KRT33B: variants seen among roughly 807,000 people sequenced by gnomAD.
KRT33B encodes keratin 33B.
A neutral mutation model predicts 42.7 loss-of-function variants in KRT33B; 37 were observed. That is an observed-to-expected ratio of 0.87 (90% CI 0.67 to 1.14). The LOEUF is 1.14. Among genes scored for constraint, KRT33B ranks in the 50% most tolerant of loss-of-function variants. The pLI is 0.00. For missense variants in KRT33B, 523 were observed against 515.1 expected (o/e 1.02, Z -0.15); for synonymous variants, 237 against 221.2 (o/e 1.07, Z -0.63).
intron 2 of KRT33B, 104 bp downstream of exon 2, chr17:41,367,804 T>A: frequency 1.0e-6 from 1 of 977,858 alleles, no homozygotes; most frequent in Non-Finnish European, 1.6e-6. Flanking sequence ...GCAAGAATCC[T>A]CCCAATAGAA....
chr17:41,365,242 G>A lies in KRT33B; in HGVS notation c.809C>T (p.Ala270Val), dbSNP rs79296577. The A allele has an allele frequency of 2.0e-3, 3,190 of 1,611,080 alleles. 129 individuals carry two copies. The African/African-American group carries it at 0.022, about 11-fold the overall frequency. Residue 270 changes from alanine (A) to valine (V), a missense_variant, in exon 5 of 7, where the codon GCG becomes GTG. By Grantham distance (64) the Ala-to-Val change is moderately conservative. Coordinates refer to ENST00000251646, the MANE Select transcript of KRT33B (RefSeq NM_002279.5). ...TGTGCGTCTCAGCTCGATGATCTCCGCCTGGTAGGACTGCAGCTGCTCCGA... is the reference window on the plus strand; with the variant it reads ...TGTGCGTCTCAGCTCGATGATCTCCACCTGGTAGGACTGCAGCTGCTCCGA... ...SSSEQLQSYQ[A>V]EIIELRRTVN...
chr17:41,364,867 G>A lies in KRT33B; in HGVS notation c.1009C>T (p.Gln337Ter). The stretch of plus-strand genomic sequence containing the variant: ...ACGTCCAGCAGCACCTGATACTCCT[G>A]GTTCTGCCGCTCCAGGTCACTGCGG... ...EIRSDLERQN[Q>*]EYQVLLDVRA... Residue 337 changes from glutamine (Q) to a stop codon, truncating the protein, a stop_gained, in exon 6 of 7, where the codon CAG (glutamine) becomes TAG (stop). Coordinates refer to ENST00000251646, the MANE Select transcript of KRT33B (RefSeq NM_002279.5). LOFTEE classifies it high-confidence loss of function. 6.2e-7 allele frequency: 1 copy of A among 1,613,250 alleles called. No individual in the cohort carries two copies. Among genetic ancestry groups the A allele is most frequent in the Non-Finnish European group, 8.5e-7 (1 of 1,180,030 alleles).
intron 1 of KRT33B, 88 bp downstream of exon 1, chr17:41,369,315 T>G: frequency 6.6e-7 from 1 of 1,509,120 alleles, no homozygotes; most frequent in Non-Finnish European, 9.0e-7. Context: ...AGCATTACTG[T>G]GAACAGACTT....
chr17:41,364,183 G>C (rs1052881531), intron 6 of KRT33B, among the ~76,000 whole-genome samples: 5 of 151,262 alleles, frequency 3.3e-5, no homozygotes, highest in Admixed American at 2.0e-4. Flanking sequence ...ACACAAGAAA[G>C]TCACTTCCTC....
Position 41,369,448 on chromosome 17 carries a change from G to A in KRT33B, c.303C>T (p.Pro101=), listed in dbSNP as rs746529350. 2 of 1,613,390 alleles carry A rather than the reference G, an allele frequency of 1.2e-6. No homozygotes were observed. The highest frequency in any genetic ancestry group is 1.7e-6 in the Non-Finnish European group (2 of 1,180,026). Residue 101 remains proline, a synonymous_variant, in exon 1 of 7, where the codon CCC becomes CCT. Coordinates refer to ENST00000251646, the MANE Select transcript of KRT33B (RefSeq NM_002279.5). ...RSQQQEPLLC[P]SYQSYFKTIE... is the part of the protein sequence containing the mutation. Reference sequence around the variant, plus strand: ...TGGTCTTGAAGTAGGACTGGTAGCTGGGGCACAGCAAGGGCTCCTGCTGCT... The same window carrying A: ...TGGTCTTGAAGTAGGACTGGTAGCTAGGGCACAGCAAGGGCTCCTGCTGCT...
intron 3 of KRT33B, 42 bp from the exon 4 acceptor site, chr17:41,365,595 C>T (rs750823663): frequency 4.4e-6 from 7 of 1,587,926 alleles, no homozygotes; most frequent in Non-Finnish European, 6.0e-6. Context: ...AGAAAGAAGT[C>T]TTTCAATAAC....
chr17:41,369,756 A>G lies in KRT33B; in HGVS notation c.-6T>C, dbSNP rs1290888924. The G allele has an allele frequency of 6.2e-7, 1 of 1,611,952 alleles. No homozygotes were observed. The highest frequency in any genetic ancestry group is 8.5e-7 in the Non-Finnish European group (1 of 1,178,614). On this transcript the variant is annotated 5_prime_UTR_variant, in exon 1 of 7. Coordinates refer to ENST00000251646, the MANE Select transcript of KRT33B (RefSeq NM_002279.5). ...AGGCAGAAGTTGTAGGGCATGGTGC[A>G]GGGAGGCAGTGGAGCTCTGGAAGTC...
chr17:41,369,515 C>T lies in KRT33B; in HGVS notation c.236G>A (p.Arg79Gln), dbSNP rs1318011218. The T allele has an allele frequency of 4.3e-6, 7 of 1,613,956 alleles. No individual in the cohort carries two copies. Among genetic ancestry groups the T allele is most frequent in the African/African-American group, 2.7e-5 (2 of 74,806 alleles). The change falls in exon 1 of 7, where the codon CGG (arginine) becomes CAG (glutamine). Residue 79 changes from arginine (R) to glutamine (Q), a missense_variant. Physicochemically the swap from Arg to Gln is conservative, Grantham distance 43 (BLOSUM62 1). Coordinates refer to ENST00000251646, the MANE Select transcript of KRT33B (RefSeq NM_002279.5). ...SYLEKVRQLE[R>Q]DNAELENLIR... ...GAGGTTCTCCAGCTCCGCGTTGTCC[C>T]GCTCCAGCTGACGCACCTTCTCCAG...
chr17:41,365,242 G>T lies in KRT33B; in HGVS notation c.809C>A (p.Ala270Glu). Residue 270 changes from alanine to glutamate, a missense_variant, in exon 5 of 7, where the codon GCG becomes GAG. Coordinates refer to ENST00000251646, the MANE Select transcript of KRT33B (RefSeq NM_002279.5). ...SSSEQLQSYQ[A>E]EIIELRRTVN... Reference sequence around the variant, plus strand: ...TGTGCGTCTCAGCTCGATGATCTCCGCCTGGTAGGACTGCAGCTGCTCCGA... The same window carrying T: ...TGTGCGTCTCAGCTCGATGATCTCCTCCTGGTAGGACTGCAGCTGCTCCGA... The T allele has an allele frequency of 1.9e-6, 3 of 1,611,826 alleles. No individual in the cohort carries two copies. Among genetic ancestry groups the T allele is most frequent in the Non-Finnish European group, 2.5e-6 (3 of 1,179,842 alleles).
In KRT33B at chr17:41,365,419, C is replaced by T; in HGVS notation, c.723G>A (p.Arg241=). ...GCGTGGCGAACCATTGCTCCACTTC[C>T]CTGCGGTTGGTTTCCACCAGGGCCT... ...QYEALVETNR[R]EVEQWFATQT... The change falls in exon 4 of 7, where the codon AGG becomes AGA. Residue 241 remains arginine (R), a synonymous_variant. Coordinates refer to ENST00000251646, the MANE Select transcript of KRT33B (RefSeq NM_002279.5). 6.2e-7 allele frequency: 1 copy of T among 1,612,606 alleles called. No homozygotes were observed.
At position 41,366,494 on chromosome 17, in the gene KRT33B, C is replaced by G. The variant is rs142926545; in HGVS notation, c.564G>C (p.Leu188=). The G allele has an allele frequency of 2.0e-5, 32 of 1,612,484 alleles. No individual in the cohort carries two copies. Among genetic ancestry groups the G allele is most frequent in the Non-Finnish European group, 2.5e-5 (30 of 1,180,006 alleles). The change falls in exon 3 of 7, where the codon CTG becomes CTC. Residue 188 remains leucine, a synonymous_variant. Coordinates refer to ENST00000251646, the MANE Select transcript of KRT33B (RefSeq NM_002279.5). ...AQMESLKEEL[L]SLKQNHEQEV... is the part of the protein sequence containing the mutation. ...CCTGCTCATGGTTCTGCTTGAGGGACAGCAGCTCCTCCTTCAGGGACTCCA... is the reference window on the plus strand; with the variant it reads ...CCTGCTCATGGTTCTGCTTGAGGGAGAGCAGCTCCTCCTTCAGGGACTCCA...
At chr17:41,368,937 T>C (rs1228119536) in intron 1 of KRT33B, among the ~76,000 whole-genome samples, 1 of 151,472 alleles carries the variant, frequency 6.6e-6, no homozygotes, top group Non-Finnish European at 1.5e-5. Flanking sequence ...GGTCCATGTG[T>C]CTGTAGATAT....
chr17:41,364,082 A>T (rs766609678), intron 6 of KRT33B, 129 bp from the exon 7 acceptor site: 7 of 638,562 alleles, frequency 1.1e-5, no homozygotes, highest in Non-Finnish European at 1.7e-5. Flanking sequence ...CCTTGTTTGG[A>T]TCACTCCTTC....
intron 1 of KRT33B, among the ~76,000 whole-genome samples, chr17:41,368,875 C>T (rs2017737514): frequency 6.6e-6 from 1 of 151,330 alleles, no homozygotes; most frequent in Non-Finnish European, 1.5e-5. Context: ...ACTTCTCTTC[C>T]AGAACAGATG....
rs535609756 is a variant in KRT33B, at chr17:41,366,175, C to A, written c.588+295G>T. Among the ~76,000 whole-genome samples, 5 of 151,296 alleles carry A rather than the reference C, an allele frequency of 3.3e-5. No individual in the cohort carries two copies. The East Asian group carries it at 9.7e-4, about 29-fold the overall frequency. ...CAGTCTTGGTCATTAACCTACCTGG[C>A]ACCTCTTCAGAAGCTAATAGATAGC... is the stretch of plus-strand genomic sequence containing the variant. On this transcript the variant is annotated intron_variant, in intron 3 of 6. Transcript: ENST00000251646.
chr17:41,366,640 CAGAGGTCAAA>C lies in KRT33B; in HGVS notation c.432-24_432-15del. 1 of 1,582,058 alleles carries C rather than the reference CAGAGGTCAAA, an allele frequency of 6.3e-7. No individual in the cohort carries two copies. The highest frequency in any genetic ancestry group is 2.3e-5 in the East Asian group (1 of 43,882). ...TCCGTCTGGTACCTGCACACACAGC[CAGAGGTCAAA>C]AGAGGTCCAAAAAAAAAAAGTCTTT... On this transcript the variant is annotated splice_polypyrimidine_tract_variant and intron_variant, in intron 2 of 6. Coordinates refer to ENST00000251646, the MANE Select transcript of KRT33B (RefSeq NM_002279.5).
chr17:41,369,485 C>T lies in KRT33B; in HGVS notation c.266G>A (p.Arg89Gln), dbSNP rs764131405. The change falls in exon 1 of 7, where the codon CGG (arginine) becomes CAG (glutamine). Residue 89 changes from arginine (R) to glutamine (Q), a missense_variant. Transcript: ENST00000251646. Reference protein sequence around the residue: ...RDNAELENLIRERSQQQEPLL... With the variant: ...RDNAELENLIQERSQQQEPLL... Reference sequence around the variant, plus strand: ...GGGCTCCTGCTGCTGAGACCGCTCCCGGATGAGGTTCTCCAGCTCCGCGTT... The same window carrying T: ...GGGCTCCTGCTGCTGAGACCGCTCCTGGATGAGGTTCTCCAGCTCCGCGTT... 59 of 1,613,712 alleles carry T rather than the reference C, an allele frequency of 3.7e-5. No homozygotes were observed. Among genetic ancestry groups the T allele is most frequent in the South Asian group, 1.1e-4 (10 of 91,088 alleles).
chr17:41,364,658 T>C (rs2017670057), intron 6 of KRT33B, 121 bp downstream of exon 6: 6 of 1,267,316 alleles, frequency 4.7e-6, no homozygotes, highest in Non-Finnish European at 6.7e-6. Context: ...ACGGCTGTAA[T>C]ATAAAACTCT....
At chr17:41,369,285 T>C in intron 1 of KRT33B, 118 bp downstream of exon 1, 1 of 1,375,218 alleles carries the variant, frequency 7.3e-7, no homozygotes, top group East Asian at 2.5e-5. Flanking sequence ...AGCCAGTGAA[T>C]CTATGTCTTT....
Sources: allele counts gnomAD v4.1 joint callset (sites outside exome capture counted in the v4.1 genomes callset), GRCh38; gene constraint gnomAD v4.1.1; transcripts MANE v1.5; gene names NCBI Gene and HGNC (gene_info 2026-07-23, HGNC 2026-07-21).